The following GRB7 variants were observed in gnomAD, a reference collection of about 807,000 sequenced individuals.
GRB7 encodes growth factor receptor-bound protein 7.
In GRB7, 47 loss-of-function variants were observed where a neutral mutation model predicts 64.1. That is an observed-to-expected ratio of 0.73 (90% CI 0.58 to 0.94). The LOEUF (loss-of-function observed/expected upper bound fraction) is 0.94, where lower values mean the gene tolerates loss of function less well. Ranked by LOEUF, GRB7 falls within the 40% of genes least tolerant of loss-of-function variation. The pLI is 0.00. For missense variants in GRB7, 634 were observed against 718.4 expected, an observed-to-expected ratio of 0.88 and a Z score of 1.34; for synonymous variants, 277 against 279.9, an observed-to-expected ratio of 0.99 and a Z score of 0.10.
intron 1 of GRB7, 148 bp from the exon 2 acceptor site, chr17:39,742,104 C>T: frequency 1.5e-6 from 1 of 657,468 alleles, no homozygotes; most frequent in Non-Finnish European, 2.7e-6. Context: ...TCGGTGTCCC[C>T]TTTTGTAAAA....
chr17:39,746,347 T>A, intron 14 of GRB7, 145 bp downstream of exon 14: 1 of 707,048 alleles, frequency 1.4e-6, no homozygotes, highest in Non-Finnish European at 2.4e-6. Flanking sequence ...CTGAGTGCGG[T>A]GGCTCACACC....
chr17:39,745,197 C>T (rs751062826), intron 9 of GRB7, 46 bp from the exon 10 acceptor site: 3 of 1,506,476 alleles, frequency 2.0e-6, no homozygotes, highest in Non-Finnish European at 2.7e-6. Flanking sequence ...CAGCCACGCC[C>T]CCAGGACCTC....
chr17:39,746,992 C>T lies in GRB7; in HGVS notation c.*95C>T, dbSNP rs1011402645. The T allele has an allele frequency of 1.2e-4, 166 of 1,374,054 alleles. No individual in the cohort carries two copies. The highest frequency in any genetic ancestry group is 1.5e-4 in the Non-Finnish European group (156 of 1,008,152). The allele number at this position is 1,374,054 out of a possible 1,614,324, so 85.1% of individuals were successfully genotyped here. ...GACTCTGGGGCGCGGCCACAGGGGA[C>T]GGGATGAGGAGCGGGAGGGTTCCGC... On this transcript the variant is annotated 3_prime_UTR_variant, in exon 15 of 15. Transcript: ENST00000309156.
intron 11 of GRB7, 46 bp from the exon 12 acceptor site, chr17:39,745,682 C>T (rs1380221883): frequency 1.3e-6 from 2 of 1,592,514 alleles, no homozygotes; most frequent in Admixed American, 1.7e-5. Context: ...CTGGGTAATG[C>T]CCCCAAGCAC....
intron 1 of GRB7, chr17:39,740,120 G>A: frequency 1.0e-6 from 1 of 985,596 alleles, no homozygotes; most frequent in Non-Finnish European, 1.2e-6. Context: ...CGAGGCAGGC[G>A]TGGCCCCCTG....
In GRB7 at chr17:39,745,494, C is replaced by T. The variant is rs754805637; in HGVS notation, c.1165C>T (p.Arg389Trp). 2.5e-6 allele frequency: 4 copies of T among 1,613,988 alleles called. No homozygotes were observed. The highest frequency in any genetic ancestry group is 1.7e-5 in the Admixed American group (1 of 60,026). The change falls in exon 11 of 15, where the codon CGG (arginine) becomes TGG (tryptophan). Residue 389 changes from arginine (R) to tryptophan (W), a missense_variant. This residue lies in a region of GRB7 where 467 missense variants were observed against 576.6 expected (regional missense o/e 0.81). Coordinates refer to ENST00000309156, the MANE Select transcript of GRB7 (RefSeq NM_005310.5). The stretch of plus-strand genomic sequence containing the variant: ...TGCTGGGCGTGTCATTGAGAACCCC[C>T]GGGAGGCTCTGAGTGTGGCCCTGGA... ...GHAGRVIENP[R>W]EALSVALEEA...
rs771720972 is a variant in GRB7, at chr17:39,743,434, T to C, written c.627T>C (p.Asp209=). 42 of 1,614,080 alleles carry C rather than the reference T, an allele frequency of 2.6e-5. No homozygotes were observed. In the Middle Eastern group the frequency reaches 9.9e-4, roughly 38 times the overall value. Reference sequence around the variant, plus strand: ...AAAAAATGGTCTCCAGCTGTCTCGATGCACACACTGGTATATCCCATGAAG... The same window carrying C: ...AAAAAATGGTCTCCAGCTGTCTCGACGCACACACTGGTATATCCCATGAAG... ...FPEKMVSSCL[D]AHTGISHEDL... Residue 209 remains aspartate (D), a synonymous_variant, in exon 6 of 15, where the codon GAT becomes GAC. Coordinates refer to ENST00000309156, the MANE Select transcript of GRB7 (RefSeq NM_005310.5).
Position 39,742,620 on chromosome 17 carries a change from C to A in GRB7, c.210C>A (p.Pro70=), listed in dbSNP as rs779971088. The change falls in exon 3 of 15, where the codon CCC becomes CCA. Residue 70 remains proline, a synonymous_variant. Coordinates refer to ENST00000309156, the MANE Select transcript of GRB7 (RefSeq NM_005310.5). ...CCTCCCTCCCCTCTATCCCCAACCC[C>A]TTCCCTGAGCTCTGCAGTCCTCCCT... ...RATSLPSIPN[P]FPELCSPPSQ... 6.2e-6 allele frequency: 10 copies of A among 1,613,508 alleles called. No homozygotes were observed. The Admixed American group carries it at 1.5e-4, about 24-fold the overall frequency.
intron 9 of GRB7, 36 bp downstream of exon 9, chr17:39,745,020 G>T: frequency 6.5e-7 from 1 of 1,526,974 alleles, no homozygotes. Context: ...GGCTGGCCTG[G>T]CCAGAGGGAT....
At position 39,744,173 on chromosome 17, in the gene GRB7, C is replaced by G; in HGVS notation, c.767C>G (p.Ser256Cys). Residue 256 changes from serine (S) to cysteine (C), a missense_variant, in exon 7 of 15, where the codon TCT becomes TGT. Around this residue, in one of 2 missense-constraint regions of GRB7, gnomAD observed 467 missense variants for 576.6 expected, o/e 0.81. Transcript: ENST00000309156. Reference sequence around the variant, plus strand: ...CGCTTTTTCTGCTTCTTGCGCCGATCTGGCCTCTATTACTCCACCAAGGGC... The same window carrying G: ...CGCTTTTTCTGCTTCTTGCGCCGATGTGGCCTCTATTACTCCACCAAGGGC... ...WKRFFCFLRR[S>C]GLYYSTKGTS... is the part of the protein sequence containing the mutation. The G allele has an allele frequency of 6.2e-7, 1 of 1,614,138 alleles. No individual in the cohort carries two copies. Among genetic ancestry groups the G allele is most frequent in the East Asian group, 2.2e-5 (1 of 44,884 alleles).
Position 39,746,016 on chromosome 17 carries a change from G to A in GRB7, c.1358+16G>A, listed in dbSNP as rs748577497. 1.7e-5 allele frequency: 27 copies of A among 1,613,672 alleles called. No individual in the cohort carries two copies. The highest frequency in any genetic ancestry group is 2.1e-5 in the Non-Finnish European group (25 of 1,179,708). On this transcript the variant is annotated intron_variant, in intron 13 of 14. Transcript: ENST00000309156. The stretch of plus-strand genomic sequence containing the variant: ...TGGTAGACGGGTAAGGGGCAGGGCC[G>A]GGCAACAGACCCAGGGATAAGAGAG...
intron 2 of GRB7, 29 bp downstream of exon 2, chr17:39,742,485 G>T (rs2060004084): frequency 6.2e-7 from 1 of 1,613,010 alleles, no homozygotes; most frequent in African/African-American, 1.3e-5. Flanking sequence ...CTTGGGGGAG[G>T]TCAGTGCTGG....
At chr17:39,741,340 C>T (rs188163201) in intron 1 of GRB7, among the ~76,000 whole-genome samples, 237 of 152,236 alleles carry the variant, frequency 1.6e-3, no homozygotes, top group Admixed American at 3.1e-3. Flanking sequence ...GGGGAGGGTA[C>T]GCAAGGTTTG....
Position 39,738,862 on chromosome 17 carries a change from C to T in GRB7, c.-51+729C>T, listed in dbSNP as rs1358648685. The T allele has an allele frequency of 2.6e-6, 4 of 1,531,918 alleles. No homozygotes were observed. The East Asian group carries it at 9.8e-5, about 37-fold the overall frequency. 94.9% of individuals were successfully genotyped at this position (1,531,918 alleles called of 1,614,324 possible). A position where few individuals can be genotyped will look rare whatever the true frequency, so the allele number is the denominator to read the frequency against. Reference sequence around the variant, plus strand: ...TCTAAATTGTCGAGGCTTCATCTCTCCAGATTGTATGCCCTTCTCAGCAAC... The same window carrying T: ...TCTAAATTGTCGAGGCTTCATCTCTTCAGATTGTATGCCCTTCTCAGCAAC... On this transcript the variant is annotated intron_variant, in intron 1 of 14. Coordinates refer to ENST00000309156, the MANE Select transcript of GRB7 (RefSeq NM_005310.5).
intron 1 of GRB7, chr17:39,740,314 GTCT>G (rs1296555605): frequency 8.2e-6 from 2 of 243,022 alleles, no homozygotes; most frequent in African/African-American, 4.6e-5. Context: ...CATCCTGTCT[GTCT>G]TCTTGAGTGT....
intron 1 of GRB7, among the ~76,000 whole-genome samples, chr17:39,741,341 G>C (rs999085397): frequency 1.3e-5 from 2 of 152,144 alleles, no homozygotes; most frequent in South Asian, 2.1e-4. Context: ...GGGAGGGTAC[G>C]CAAGGTTTGG....
At chr17:39,746,047 G>A (rs769721370) in intron 13 of GRB7, 47 bp downstream of exon 13, 34 of 1,611,784 alleles carry the variant, frequency 2.1e-5, no homozygotes, top group Non-Finnish European at 2.4e-5. Context: ...GAGAGACTGG[G>A]GTCCAGGTGG....
chr17:39,746,969 C>T lies in GRB7; in HGVS notation c.*72C>T. 2.7e-6 allele frequency: 4 copies of T among 1,505,104 alleles called. No individual in the cohort carries two copies. The highest frequency in any genetic ancestry group is 2.7e-5 in the African/African-American group (2 of 73,032). The allele number at this position is 1,505,104 out of a possible 1,614,324, so 93.2% of individuals were successfully genotyped here. On this transcript the variant is annotated 3_prime_UTR_variant, in exon 15 of 15. Coordinates refer to ENST00000309156, the MANE Select transcript of GRB7 (RefSeq NM_005310.5). ...GCCGCCCCTCCACCCATCCAGTGGA[C>T]TCTGGGGCGCGGCCACAGGGGACGG...
In GRB7 at chr17:39,745,252, C is replaced by A; in HGVS notation, c.1021C>A (p.Gln341Lys). ...CTCTCCCCACCCCCAGTACGGGGTG[C>A]AGCTGTACAAGAATTACCAGCAGGC... ...AAFRLFKYGV[Q>K]LYKNYQQAQS... Residue 341 changes from glutamine to lysine, a missense_variant, in exon 10 of 15, where the codon CAG (glutamine) becomes AAG (lysine). Physicochemically the swap from Gln to Lys is moderately conservative, Grantham distance 53 (BLOSUM62 1). Transcript: ENST00000309156. 1 of 1,608,380 alleles carries A rather than the reference C, an allele frequency of 6.2e-7. No individual in the cohort carries two copies.
Sources: gnomAD v4.1 joint callset for allele counts (sites outside exome capture counted in the v4.1 genomes callset) on GRCh38, gnomAD v4.1.1 for gene constraint, gnomAD v4.1.1 regional missense constraint, MANE v1.5 for transcripts, NCBI Gene and HGNC (gene_info 2026-07-23, HGNC 2026-07-21) for gene names.